GEMIN4: variants seen among roughly 807,000 people sequenced by gnomAD.
GEMIN4 encodes gem-associated protein 4.
In GEMIN4, 59 loss-of-function variants were observed where a neutral mutation model predicts 76.8. The observed-to-expected ratio is 0.77, with a 90% CI of 0.62 to 0.95. The LOEUF (loss-of-function observed/expected upper bound fraction) is 0.95, where lower values mean the gene tolerates loss of function less well. Ranked by LOEUF, GEMIN4 falls within the 40% of genes least tolerant of loss-of-function variation. The pLI is 0.00. For synonymous variants in GEMIN4, 562 were observed against 559.7 expected, an observed-to-expected ratio of 1.00 and a Z score of -0.06; for missense variants, 1,311 against 1,318.9, an observed-to-expected ratio of 0.99 and a Z score of 0.09.
In GEMIN4 at chr17:744,552, C is replaced by A. The variant is rs746267162; in HGVS notation, c.*314G>T. 14 of 258,662 alleles carry A rather than the reference C, an allele frequency of 5.4e-5. No homozygotes were observed. In the South Asian group the frequency reaches 1.1e-3, roughly 20 times the overall value. The allele number at this position is 258,662 out of a possible 1,614,324, so 16.0% of individuals were successfully genotyped here. A position where few individuals can be genotyped will look rare whatever the true frequency, so the allele number is the denominator to read the frequency against. ...CTGGCTGGATTTGATCTTGAAGACA[C>A]TAAACCCAATTTCAGAGCATATTTA... On this transcript the variant is annotated 3_prime_UTR_variant, in exon 2 of 2. Coordinates refer to ENST00000319004, the MANE Select transcript of GEMIN4 (RefSeq NM_015721.3).
rs1904379787 is a variant in GEMIN4 at position 748,185 on chromosome 17, G to A, written c.11-153C>T. On this transcript the variant is annotated intron_variant, in intron 1 of 1. Coordinates refer to ENST00000319004, the MANE Select transcript of GEMIN4 (RefSeq NM_015721.3). ...TGACTACAAGAGCCACTGCACAGCT[G>A]GAGTCAGAAGGACTTGGCCGAGGAA... 2.2e-5 allele frequency: 14 copies of A among 628,750 alleles called. No homozygotes were observed. The South Asian group carries it at 2.8e-4, about 13-fold the overall frequency. 38.9% of individuals were successfully genotyped at this position (628,750 alleles called of 1,614,324 possible).
Position 745,993 on chromosome 17 carries a change from G to A in GEMIN4, c.2050C>T (p.Arg684Ter), listed in dbSNP as rs776483020. The change falls in exon 2 of 2, where the codon CGA (arginine) becomes TGA (stop). Residue 684 changes from arginine (R) to a stop codon, truncating the protein, a stop_gained. Coordinates refer to ENST00000319004, the MANE Select transcript of GEMIN4 (RefSeq NM_015721.3). LOFTEE classifies it high-confidence loss of function. This position sits in a 1 kb window ranked among gnomAD's most constrained non-coding sequence, Gnocchi z 4.6. ...CAGGTCTGGAGCCAGTATTCCTCTC[G>A]GCACGCGTTTGCCTCTAGAGTCTGG... ...FIQTLEANAC[R>*]EEYWLQTCSP... 178 of 1,613,324 alleles carry A rather than the reference G, an allele frequency of 1.1e-4. No homozygotes were observed. The highest frequency in any genetic ancestry group is 1.5e-4 in the Non-Finnish European group (174 of 1,179,888).
intron 1 of GEMIN4, chr17:751,878 G>T: frequency 2.6e-6 from 1 of 378,040 alleles, no homozygotes; most frequent in Non-Finnish European, 4.7e-6. Context: ...CGCTTCCAAG[G>T]GCTCTAACTT....
rs1385905726 is a variant in GEMIN4 at position 747,033 on chromosome 17, C to G, written c.1010G>C (p.Ser337Thr). The G allele has an allele frequency of 6.2e-7, 1 of 1,613,406 alleles. No homozygotes were observed. The change falls in exon 2 of 2, where the codon AGC becomes ACC. Residue 337 changes from serine (S) to threonine (T), a missense_variant. Ser to Thr is a moderately conservative substitution (Grantham distance 58). Around this residue, in one of 2 missense-constraint regions of GEMIN4, gnomAD observed 1,208 missense variants for 1,166.9 expected, o/e 1.04. Transcript: ENST00000319004. The part of the protein sequence containing the change: ...WGEELQAVLR[S>T]SQGTSYDSYR... ...GCTGTCGTAACTTGTCCCCTGGCTG[C>G]TGCGGAGCACGGCCTGCAACTCCTC...
chr17:745,333 G>C lies in GEMIN4; in HGVS notation c.2710C>G (p.Pro904Ala), dbSNP rs774075432. ...GAGAGTTGCAACTCCTGGGCAAAGGGCTTCAGGTTGAGCAGGGGAACAAAC... is the reference window on the plus strand; with the variant it reads ...GAGAGTTGCAACTCCTGGGCAAAGGCCTTCAGGTTGAGCAGGGGAACAAAC... The part of the protein sequence containing the change: ...IQFVPLLNLK[P>A]FAQELQLSVL... The change falls in exon 2 of 2, where the codon CCC becomes GCC. Residue 904 changes from proline (P) to alanine (A), a missense_variant. Around this residue, in one of 2 missense-constraint regions of GEMIN4, gnomAD observed 1,208 missense variants for 1,166.9 expected, o/e 1.04. Coordinates refer to ENST00000319004, the MANE Select transcript of GEMIN4 (RefSeq NM_015721.3). The surrounding 1 kb of genome is among the most constrained non-coding windows in gnomAD (Gnocchi z 4.6). 4 of 1,612,896 alleles carry C rather than the reference G, an allele frequency of 2.5e-6. No individual in the cohort carries two copies. The highest frequency in any genetic ancestry group is 2.2e-5 in the South Asian group (2 of 91,062).
Position 747,416 on chromosome 17 carries a change from C to G in GEMIN4, c.627G>C (p.Ala209=). The G allele has an allele frequency of 6.2e-7, 1 of 1,613,802 alleles. No homozygotes were observed. The highest frequency in any genetic ancestry group is 8.5e-7 in the Non-Finnish European group (1 of 1,179,872). ...PPKRLRSDPD[A]CPTMPLLAML... ...TGGCCAACAGGGGCATGGTGGGGCA[C>G]GCGTCTGGGTCTGACCTAAGCCTCT... Residue 209 remains alanine (A), a synonymous_variant, in exon 2 of 2, where the codon GCG becomes GCC. Coordinates refer to ENST00000319004, the MANE Select transcript of GEMIN4 (RefSeq NM_015721.3).
intron 1 of GEMIN4, chr17:748,245 C>T: frequency 1.8e-6 from 1 of 550,276 alleles, no homozygotes; most frequent in South Asian, 2.6e-5. Flanking sequence ...AGCCTGGGAA[C>T]TGGGAGGCCA....
chr17:746,498 C>A lies in GEMIN4; in HGVS notation c.1545G>T (p.Leu515Phe), dbSNP rs769019672. ...CCTGAAAACCCTCCACATAAGCCAG[C>A]AACTTTTCAGAGAGGCCCTTTCGCC... ...SWGRKGLSEK[L>F]LAYVEGFQED... Residue 515 changes from leucine to phenylalanine, a missense_variant, in exon 2 of 2, where the codon TTG (leucine) becomes TTT (phenylalanine). Leu to Phe is a conservative substitution (Grantham distance 22, BLOSUM62 0). This residue lies in a region of GEMIN4 where 1,208 missense variants were observed against 1,166.9 expected (regional missense o/e 1.04). Transcript: ENST00000319004. The surrounding 1 kb of genome is among the most constrained non-coding windows in gnomAD (Gnocchi z 4.3). The A allele has an allele frequency of 9.3e-6, 15 of 1,613,878 alleles. No individual in the cohort carries two copies. In the Admixed American group the frequency reaches 1.8e-4, roughly 20 times the overall value.
chr17:754,124 T>C (rs1400043189), upstream of GEMIN4: 1 of 152,290 alleles, frequency 6.6e-6, no homozygotes, highest in Non-Finnish European at 1.5e-5. Flanking sequence ...CCCGGGACTA[T>C]TCTGTACTTA....
rs1392463376 is a variant in GEMIN4, at chr17:744,438, T to C, written c.*428A>G. 1 of 165,840 alleles carries C rather than the reference T, an allele frequency of 6.0e-6. No individual in the cohort carries two copies. The highest frequency in any genetic ancestry group is 1.3e-5 in the Non-Finnish European group (1 of 76,656). The allele number at this position is 165,840 out of a possible 1,614,324, so 10.3% of individuals were successfully genotyped here. A position where few individuals can be genotyped will look rare whatever the true frequency, so the allele number is the denominator to read the frequency against. ...CTCTTGAAGGGGGTTATACGTACCA[T>C]GTAATGCTTTTTCCACTCACATGGT... On this transcript the variant is annotated 3_prime_UTR_variant, in exon 2 of 2. Transcript: ENST00000319004.
At chr17:750,620 C>T (rs1904624460) in intron 1 of GEMIN4, among the ~76,000 whole-genome samples, 1 of 152,188 alleles carries the variant, frequency 6.6e-6, no homozygotes. Context: ...AGTCATCTCC[C>T]CTTTCCCAGG....
In GEMIN4 at chr17:746,744, G is replaced by A. The variant is rs147516197; in HGVS notation, c.1299C>T (p.Phe433=). 12,949 of 1,613,752 alleles carry A rather than the reference G, an allele frequency of 8.0e-3. 85 individuals carry two copies. The highest frequency in any genetic ancestry group is 0.018 in the Middle Eastern group (107 of 6,062). Residue 433 remains phenylalanine, a synonymous_variant, in exon 2 of 2, where the codon TTC becomes TTT. Coordinates refer to ENST00000319004, the MANE Select transcript of GEMIN4 (RefSeq NM_015721.3). This position sits in a 1 kb window ranked among gnomAD's most constrained non-coding sequence, Gnocchi z 4.3. ...YIFASEKKWA[F]SDEWVACLGS... ...CCAGGCAGGCTACCCACTCGTCCGA[G>A]AAGGCCCACTTCTTCTCAGAGGCAA... is the stretch of plus-strand genomic sequence containing the variant.
rs752659494 is a variant in GEMIN4, at chr17:745,952, G to T, written c.2091C>A (p.Leu697=). Residue 697 remains leucine (L), a synonymous_variant, in exon 2 of 2, where the codon CTC becomes CTA. Coordinates refer to ENST00000319004, the MANE Select transcript of GEMIN4 (RefSeq NM_015721.3). This position sits in a 1 kb window ranked among gnomAD's most constrained non-coding sequence, Gnocchi z 4.6. ...YWLQTCSPFP[L]LFSLCQLLDR... ...CCAAGAGCTGGCACAAGCTGAAGAG[G>T]AGTGGAAACGGGGAGCAGGTCTGGA... 1 of 1,613,166 alleles carries T rather than the reference G, an allele frequency of 6.2e-7. No individual in the cohort carries two copies. The highest frequency in any genetic ancestry group is 8.5e-7 in the Non-Finnish European group (1 of 1,179,856).
chr17:748,067 GA>G (rs1301437284), intron 1 of GEMIN4, 35 bp from the exon 2 acceptor site: 2 of 1,513,010 alleles, frequency 1.3e-6, no homozygotes, highest in Admixed American at 4.2e-5. Flanking sequence ...ACAGTATAGT[GA>G]AAATGTTTCC....
At position 748,004 on chromosome 17, in the gene GEMIN4, A is replaced by G. The variant is rs1311649199; in HGVS notation, c.39T>C (p.Thr13=). ...CCAGCAAGAAGCCTCCATGCAGAATAGTCATTTCTTCACAGATGTTCAAGG... is the reference window on the plus strand; with the variant it reads ...CCAGCAAGAAGCCTCCATGCAGAATGGTCATTTCTTCACAGATGTTCAAGG... ...LGPLNICEEM[T]ILHGGFLLAE... Residue 13 remains threonine (T), a synonymous_variant, in exon 2 of 2, where the codon ACT becomes ACC. Transcript: ENST00000319004. The G allele has an allele frequency of 6.2e-7, 1 of 1,609,894 alleles. No individual in the cohort carries two copies. Among genetic ancestry groups the G allele is most frequent in the Admixed American group, 1.7e-5 (1 of 59,368 alleles).
chr17:752,230 A>G lies in GEMIN4; in HGVS notation c.-88T>C, dbSNP rs572324852. ...CGCGGGACGCACGGCACGATGGGAGACGCAGGAGCCACGGCGGCCGCGCTT... is the reference window on the plus strand; with the variant it reads ...CGCGGGACGCACGGCACGATGGGAGGCGCAGGAGCCACGGCGGCCGCGCTT... On this transcript the variant is annotated 5_prime_UTR_variant, in exon 1 of 2. Coordinates refer to ENST00000319004, the MANE Select transcript of GEMIN4 (RefSeq NM_015721.3). 1.9e-5 allele frequency: 23 copies of G among 1,228,698 alleles called. 1 individual carries two copies. Among genetic ancestry groups the G allele is most frequent in the Middle Eastern group, 2.6e-4 (1 of 3,844 alleles). 76.1% of individuals were successfully genotyped at this position (1,228,698 alleles called of 1,614,324 possible).
upstream of GEMIN4, chr17:752,564 G>C: frequency 1.5e-6 from 1 of 674,432 alleles, no homozygotes; most frequent in Non-Finnish European, 1.9e-6. Flanking sequence ...ACCACCCAGC[G>C]CGGCCGCACC....
intron 1 of GEMIN4, chr17:748,655 G>A (rs533491153): frequency 4.3e-6 from 1 of 230,676 alleles, no homozygotes; most frequent in East Asian, 1.4e-4. Context: ...ATAGCCACAG[G>A]GTAATGGGCA....
At position 745,157 on chromosome 17, in the gene GEMIN4, A is replaced by G; in HGVS notation, c.2886T>C (p.Pro962=). ...GGTCCTGCTCTGGTCCTTGAACCCA[A>G]GGGCCAGCTGCCTGTATCGCCCTGA... ...DSVRAIQAAG[P]WVQGPEQDLT... Residue 962 remains proline, a synonymous_variant, in exon 2 of 2, where the codon CCT becomes CCC. Coordinates refer to ENST00000319004, the MANE Select transcript of GEMIN4 (RefSeq NM_015721.3). The surrounding 1 kb of genome is among the most constrained non-coding windows in gnomAD (Gnocchi z 4.6). 1 of 1,606,082 alleles carries G rather than the reference A, an allele frequency of 6.2e-7. No individual in the cohort carries two copies. Among genetic ancestry groups the G allele is most frequent in the Non-Finnish European group, 8.5e-7 (1 of 1,176,664 alleles).
Sources: allele counts gnomAD v4.1 joint callset (sites outside exome capture counted in the v4.1 genomes callset), GRCh38; gene constraint gnomAD v4.1.1; regional missense constraint gnomAD v4.1.1; non-coding constraint Gnocchi (gnomAD v3.1); transcripts MANE v1.5; gene names NCBI Gene and HGNC (gene_info 2026-07-23, HGNC 2026-07-21).